The following NOL10 variants were observed in gnomAD, a reference collection of about 807,000 sequenced individuals.
NOL10 encodes the protein nucleolar protein 10.
Under a neutral mutation model 103.5 loss-of-function variants are expected in NOL10, and 58 were observed. The ratio of observed to expected loss-of-function variants is 0.56; its 90% CI spans 0.45 to 0.70. NOL10 has a LOEUF of 0.70. NOL10 is among the 30% of genes least tolerant of loss of function. The pLI is 0.00. For synonymous variants in NOL10, 287 were observed against 282.5 expected (o/e 1.02, Z -0.16); for missense variants, 763 against 807.3 (o/e 0.95, Z 0.67).
intron 15 of NOL10, 56 bp downstream of exon 15, chr2:10,603,022 G>C (rs375622933): frequency 2.8e-5 from 39 of 1,386,772 alleles, no homozygotes; most frequent in East Asian, 1.2e-4. Context: ...GTGAGGAAAT[G>C]GCCACAGACT....
At chr2:10,613,429 A>G (rs935314043) in intron 13 of NOL10, among the ~76,000 whole-genome samples, 2 of 152,232 alleles carry the variant, frequency 1.3e-5, no homozygotes, top group Non-Finnish European at 2.9e-5. Flanking sequence ...AAATTTTTAA[A>G]AGGTTCTAGG....
intron 13 of NOL10, among the ~76,000 whole-genome samples, chr2:10,619,528 T>G (rs1015728017): frequency 6.6e-6 from 1 of 152,196 alleles, no homozygotes; most frequent in Non-Finnish European, 1.5e-5. Flanking sequence ...TCTGTTAAAG[T>G]TCTCTTTTAA....
intron 13 of NOL10, among the ~76,000 whole-genome samples, chr2:10,612,129 CAATAAA>C (rs954891659): frequency 1.3e-5 from 2 of 151,608 alleles, no homozygotes; most frequent in Non-Finnish European, 2.9e-5. Flanking sequence ...TCTCTAAGAA[CAATAAA>C]AATAAAAATA....
At chr2:10,579,857 T>A (rs1316173071) in intron 19 of NOL10, among the ~76,000 whole-genome samples, 3 of 152,304 alleles carry the variant, frequency 2.0e-5, no homozygotes, top group South Asian at 2.1e-4. Context: ...AAAACACTAA[T>A]TTAGGAAGAA....
chr2:10,593,300 C>T (rs1417488641), intron 17 of NOL10, among the ~76,000 whole-genome samples: 6 of 151,978 alleles, frequency 3.9e-5, no homozygotes, highest in Admixed American at 6.6e-5. Flanking sequence ...CCACCACGGC[C>T]GGCTAATTTT....
intron 13 of NOL10, among the ~76,000 whole-genome samples, chr2:10,619,743 T>TA (rs1351457514): frequency 6.6e-6 from 1 of 152,292 alleles, no homozygotes; most frequent in Non-Finnish European, 1.5e-5. Flanking sequence ...GTTAGCTGAA[T>TA]AAAAAAACAG....
At chr2:10,638,950 A>C (rs1352184199) in intron 13 of NOL10, among the ~76,000 whole-genome samples, 2 of 151,194 alleles carry the variant, frequency 1.3e-5, no homozygotes, top group African/African-American at 2.4e-5. Context: ...CTACAGGCAC[A>C]CACCACCACG....
At chr2:10,616,689 C>CA (rs754345491) in intron 13 of NOL10, among the ~76,000 whole-genome samples, 1 of 152,150 alleles carries the variant, frequency 6.6e-6, no homozygotes, top group Non-Finnish European at 1.5e-5. Flanking sequence ...GCTGGGACTA[C>CA]AGGTGTGTGC....
chr2:10,620,864 C>T (rs1362427744), intron 13 of NOL10, among the ~76,000 whole-genome samples: 1 of 152,192 alleles, frequency 6.6e-6, no homozygotes, highest in Admixed American at 6.5e-5. Flanking sequence ...GGCATGATCT[C>T]ACTTCACTGC....
intron 13 of NOL10, among the ~76,000 whole-genome samples, chr2:10,624,733 C>T (rs1425232378): frequency 2.0e-5 from 3 of 151,488 alleles, no homozygotes; most frequent in African/African-American, 4.8e-5. Context: ...CAAAACTAAA[C>T]GTATTGTGAC....
At chr2:10,642,215 A>G (rs1678744848) in intron 13 of NOL10, among the ~76,000 whole-genome samples, 1 of 152,164 alleles carries the variant, frequency 6.6e-6, no homozygotes, top group Non-Finnish European at 1.5e-5. Context: ...CTATCAATGA[A>G]CACCTCTGAG....
intron 1 of NOL10, among the ~76,000 whole-genome samples, chr2:10,689,092 C>G (rs1682428868): frequency 6.6e-6 from 1 of 152,184 alleles, no homozygotes; most frequent in Non-Finnish European, 1.5e-5. Flanking sequence ...TGGACAGAGG[C>G]TGGATCATCA....
intron 9 of NOL10, among the ~76,000 whole-genome samples, 157 bp from the exon 10 acceptor site, chr2:10,659,407 T>C (rs142902156): frequency 4.9e-4 from 73 of 148,836 alleles, no homozygotes; most frequent in Middle Eastern, 3.6e-3. Context: ...CCTGGTAAGA[T>C]GACTCGCACC....
intron 20 of NOL10, among the ~76,000 whole-genome samples, chr2:10,573,629 C>T (rs61515414): frequency 0.26 from 36,621 of 141,398 alleles, 6,284 homozygotes; most frequent in African/African-American, 0.47. Flanking sequence ...GAGAGAATAG[C>T]GGGGAAGGAA....
chr2:10,591,416 A>T (rs1001283486), intron 17 of NOL10, among the ~76,000 whole-genome samples: 1 of 152,152 alleles, frequency 6.6e-6, no homozygotes, highest in Non-Finnish European at 1.5e-5. Context: ...AAAGATGAGT[A>T]GGTTTCAACA....
intron 3 of NOL10, among the ~76,000 whole-genome samples, chr2:10,678,090 C>A (rs1342991697): frequency 6.6e-6 from 1 of 151,932 alleles, no homozygotes; most frequent in African/African-American, 2.4e-5. Flanking sequence ...TCGCTGTTGC[C>A]CAGGTTGGAG....
At chr2:10,619,197 A>C (rs1676994258) in intron 13 of NOL10, among the ~76,000 whole-genome samples, 1 of 151,128 alleles carries the variant, frequency 6.6e-6, no homozygotes, top group Non-Finnish European at 1.5e-5. Flanking sequence ...CCCAGGCTGG[A>C]GTACAGTGGC....
chr2:10,603,007 G>T (rs995422082), intron 15 of NOL10, 71 bp downstream of exon 15: 3 of 1,301,272 alleles, frequency 2.3e-6, no homozygotes, highest in South Asian at 1.3e-5. Flanking sequence ...ATGAAAGTGC[G>T]AGTAGTGAGG....
intron 13 of NOL10, among the ~76,000 whole-genome samples, chr2:10,613,763 TAA>T (rs1463667869): frequency 6.6e-6 from 1 of 152,154 alleles, no homozygotes; most frequent in Non-Finnish European, 1.5e-5. Flanking sequence ...AGTTTGAATA[TAA>T]AAGTTTTTTT....
Sources: allele counts gnomAD v4.1 joint callset (sites outside exome capture counted in the v4.1 genomes callset), GRCh38; gene constraint gnomAD v4.1.1; transcripts MANE v1.5; gene names NCBI Gene and HGNC (gene_info 2026-07-23, HGNC 2026-07-21).